The following GUCY2C variants were observed in gnomAD, a reference collection of about 807,000 sequenced individuals.
GUCY2C encodes guanylate cyclase 2C.
GUCY2C carries 118 observed loss-of-function variants against 131.1 expected under a neutral mutation model. The ratio of observed to expected loss-of-function variants is 0.90; its 90% CI spans 0.78 to 1.05. GUCY2C has a LOEUF of 1.05. Ranked by LOEUF, GUCY2C falls within the 50% of genes least tolerant of loss-of-function variation. The probability of loss-of-function intolerance (pLI) is 0.00; values close to 1 mark genes in which losing one functional copy is unlikely to be tolerated. For synonymous variants in GUCY2C, 452 were observed against 457.8 expected (o/e 0.99, Z 0.16); for missense variants, 1,161 against 1,304.4 (o/e 0.89, Z 1.69).
intron 8 of GUCY2C, among the ~76,000 whole-genome samples, chr12:14,674,009 A>C (rs1304125638): frequency 6.6e-6 from 1 of 152,126 alleles, no homozygotes; most frequent in Admixed American, 6.5e-5. Flanking sequence ...ATAGAGTAAG[A>C]CTCTGAGGCA....
At position 14,681,435 on chromosome 12, in the gene GUCY2C, G is replaced by C. The variant is rs774064751; in HGVS notation, c.654C>G (p.His218Gln). ...ALEASVSYFS[H>Q]ELGFKVVLRQ... Reference sequence around the variant, plus strand: ...TTAACACCACCTTAAAGCCGAGTTCGTGGGAGAAATAGGAAACGCTAGCCT... The same window carrying C: ...TTAACACCACCTTAAAGCCGAGTTCCTGGGAGAAATAGGAAACGCTAGCCT... The change falls in exon 5 of 27, where the codon CAC becomes CAG. Residue 218 changes from histidine to glutamine, a missense_variant. Coordinates refer to ENST00000261170, the MANE Select transcript of GUCY2C (RefSeq NM_004963.4). 3 of 1,611,870 alleles carry C rather than the reference G, an allele frequency of 1.9e-6. No individual in the cohort carries two copies. Among genetic ancestry groups the C allele is most frequent in the Non-Finnish European group, 2.5e-6 (3 of 1,178,210 alleles).
chr12:14,695,425 C>T (rs1406887697), intron 1 of GUCY2C, among the ~76,000 whole-genome samples: 1 of 151,888 alleles, frequency 6.6e-6, no homozygotes, highest in African/African-American at 2.4e-5. Flanking sequence ...GAACAGACCA[C>T]CCCCTCTCTA....
Position 14,696,279 on chromosome 12 carries a change from G to T in GUCY2C, c.170C>A (p.Ala57Glu). The T allele has an allele frequency of 6.2e-7, 1 of 1,613,932 alleles. No homozygotes were observed. Among genetic ancestry groups the T allele is most frequent in the Non-Finnish European group, 8.5e-7 (1 of 1,179,930 alleles). The change falls in exon 1 of 27, where the codon GCG becomes GAG. Residue 57 changes from alanine to glutamate, a missense_variant. By Grantham distance (107) the Ala-to-Glu change is moderately radical. Coordinates refer to ENST00000261170, the MANE Select transcript of GUCY2C (RefSeq NM_004963.4). The stretch of plus-strand genomic sequence containing the variant: ...CACTATTTCCAGCCCCTCATTCACC[G>T]CATCTTCCAAGTTTTTCAGGGGCTC... Reference protein sequence around the residue: ...FAEPLKNLEDAVNEGLEIVRG... With the variant: ...FAEPLKNLEDEVNEGLEIVRG...
intron 1 of GUCY2C, among the ~76,000 whole-genome samples, chr12:14,691,281 GA>G (rs1324472423): frequency 6.6e-6 from 1 of 152,222 alleles, no homozygotes; most frequent in Non-Finnish European, 1.5e-5. Context: ...AGACCAGTCA[GA>G]GATATCTAAT....
chr12:14,635,456 A>G (rs915873249), intron 19 of GUCY2C, among the ~76,000 whole-genome samples: 7 of 152,204 alleles, frequency 4.6e-5, no homozygotes, highest in African/African-American at 1.2e-4. Flanking sequence ...GGATACAGCG[A>G]AAGTACTGCT....
intron 19 of GUCY2C, among the ~76,000 whole-genome samples, chr12:14,638,689 C>A (rs186443855): frequency 2.1e-4 from 32 of 152,066 alleles, no homozygotes; most frequent in South Asian, 8.3e-4. Flanking sequence ...ATAATGATAG[C>A]CAGAGACTGG....
Position 14,688,557 on chromosome 12 carries a change from G to A in GUCY2C, c.218-494C>T, listed in dbSNP as rs1034912051. Among the ~76,000 whole-genome samples the A allele has an allele frequency of 3.3e-5, 5 of 152,278 alleles. No homozygotes were observed. In the South Asian group the frequency reaches 1.0e-3, roughly 32 times the overall value. On this transcript the variant is annotated intron_variant, in intron 1 of 26. Transcript: ENST00000261170. ...TGCTATTTGTTGCCAACTTGCAGGA[G>A]GCTGCAGTCTTCCTTGGTCTCTGAT...
chr12:14,673,237 C>G (rs1948154176), intron 8 of GUCY2C, among the ~76,000 whole-genome samples: 1 of 151,948 alleles, frequency 6.6e-6, no homozygotes, highest in African/African-American at 2.4e-5. Context: ...TCAATAAGTC[C>G]CTCGATTATT....
intron 6 of GUCY2C, 28 bp from the exon 7 acceptor site, chr12:14,676,999 G>T: frequency 1.3e-6 from 1 of 757,296 alleles, no homozygotes; most frequent in South Asian, 2.4e-5. Context: ...GGTTCCTCAT[G>T]AAAATTAGGA....
intron 10 of GUCY2C, among the ~76,000 whole-genome samples, chr12:14,667,807 T>G (rs1316276049): frequency 6.6e-6 from 1 of 152,176 alleles, no homozygotes; most frequent in African/African-American, 2.4e-5. Flanking sequence ...ACACCACTCT[T>G]AACAGTTTAA....
At chr12:14,658,861 T>C (rs1565623010) in intron 11 of GUCY2C, among the ~76,000 whole-genome samples, 1 of 150,940 alleles carries the variant, frequency 6.6e-6, no homozygotes, top group Non-Finnish European at 1.5e-5. Flanking sequence ...AATAATAAAA[T>C]ACAACATAAT....
intron 6 of GUCY2C, among the ~76,000 whole-genome samples, chr12:14,677,347 GAA>G (rs1322782843): frequency 6.6e-6 from 1 of 152,112 alleles, no homozygotes; most frequent in Admixed American, 6.6e-5. Flanking sequence ...ATGGTAGAGA[GAA>G]ATTTTATCAC....
chr12:14,696,128 T>A (rs1021819287), intron 1 of GUCY2C, 104 bp downstream of exon 1: 3 of 877,732 alleles, frequency 3.4e-6, no homozygotes, highest in Non-Finnish European at 5.6e-6. Flanking sequence ...GGACAGTCCT[T>A]AGAGAAAGTT....
chr12:14,647,947 CTTAT>C (rs148784736), intron 15 of GUCY2C, among the ~76,000 whole-genome samples: 137,026 of 148,658 alleles, frequency 0.92, 63,958 homozygotes, highest in East Asian at 1. Flanking sequence ...CATCTTTTTA[CTTAT>C]TTATTTATTT....
At chr12:14,658,314 T>C (rs1182238668) in intron 11 of GUCY2C, among the ~76,000 whole-genome samples, 1 of 152,242 alleles carries the variant, frequency 6.6e-6, no homozygotes, top group Admixed American at 6.5e-5. Context: ...GTCATATTTA[T>C]GTATTTTTTC....
chr12:14,661,798 G>C (rs1304561059), intron 10 of GUCY2C, among the ~76,000 whole-genome samples: 1 of 152,174 alleles, frequency 6.6e-6, no homozygotes, highest in African/African-American at 2.4e-5. Flanking sequence ...AGAATATTAA[G>C]TGACAGTGTT....
chr12:14,674,399 C>A, intron 8 of GUCY2C: 2 of 576,656 alleles, frequency 3.5e-6, no homozygotes, highest in Non-Finnish European at 6.3e-6. Flanking sequence ...CGCTACCTGC[C>A]CTTTTCTGTG....
At chr12:14,689,093 G>A (rs1948530112) in intron 1 of GUCY2C, among the ~76,000 whole-genome samples, 1 of 152,134 alleles carries the variant, frequency 6.6e-6, no homozygotes. Context: ...TAGATTGTGG[G>A]GAACAGAAAC....
rs1477351456 is a variant in GUCY2C, at chr12:14,687,962, T to C, written c.319A>G (p.Arg107Gly). The change falls in exon 2 of 27, where the codon AGG becomes GGG. Residue 107 changes from arginine (R) to glycine (G), a missense_variant. Arg to Gly is a moderately radical substitution (Grantham distance 125). Transcript: ENST00000261170. ...AAGCAAATACTTACTGAAATTTTCC[T>C]GAGTAGGTCGAGGCCTTCACAGGTG... ...SSTCEGLDLL[R>G]KISNAQRMGC... 2.5e-6 allele frequency: 4 copies of C among 1,602,592 alleles called. No homozygotes were observed. Among genetic ancestry groups the C allele is most frequent in the Non-Finnish European group, 2.6e-6 (3 of 1,169,488 alleles).
Sources: allele counts gnomAD v4.1 joint callset (sites outside exome capture counted in the v4.1 genomes callset), GRCh38; gene constraint gnomAD v4.1.1; transcripts MANE v1.5; gene names NCBI Gene and HGNC (gene_info 2026-07-23, HGNC 2026-07-21).